STX7: variants seen among roughly 807,000 people sequenced by gnomAD.
STX7 encodes syntaxin-7.
STX7 carries 34 observed loss-of-function variants against 39.6 expected under a neutral mutation model. The ratio of observed to expected loss-of-function variants is 0.86; its 90% confidence interval spans 0.65 to 1.14. STX7 has a LOEUF of 1.14. STX7 is among the 50% of genes most tolerant of loss of function. The pLI, the probability that STX7 is intolerant of heterozygous loss-of-function variation, is 0.00. For missense variants in STX7, 284 were observed against 310.4 expected (o/e 0.92, Z 0.64); for synonymous variants, 119 against 99.1 (o/e 1.20, Z -1.19).
At chr6:132,493,596 C>G (rs1282647280) in intron 2 of STX7, among the ~76,000 whole-genome samples, 1 of 152,194 alleles carries the variant, frequency 6.6e-6, no homozygotes, top group Non-Finnish European at 1.5e-5. Flanking sequence ...GATTGTGAGG[C>G]CTCCCCAGCC....
In STX7 at chr6:132,447,385, T is replaced by C. The variant is rs1774036642; in HGVS notation, c.*13373A>G. On this transcript the variant is annotated 3_prime_UTR_variant, in exon 10 of 10. Coordinates refer to ENST00000367941, the MANE Select transcript of STX7 (RefSeq NM_003569.3). ...CAGAGGTCCCCAAAACATTCCTTTATCATTTTCCTTCTAAATCTTTTATAC... is the reference window on the plus strand; with the variant it reads ...CAGAGGTCCCCAAAACATTCCTTTACCATTTTCCTTCTAAATCTTTTATAC... The C allele has an allele frequency of 6.6e-6, 1 of 152,230 alleles. No homozygotes were observed. The highest frequency in any genetic ancestry group is 2.4e-5 in the African/African-American group (1 of 41,460). The allele number at this position is 152,230 out of a possible 1,614,324, so 9.4% of individuals were successfully genotyped here.
At position 132,471,716 on chromosome 6, in the gene STX7, C is replaced by T. The variant is rs1774728397; in HGVS notation, c.250-116G>A. On this transcript the variant is annotated intron_variant, in intron 4 of 9. Coordinates refer to ENST00000367941, the MANE Select transcript of STX7 (RefSeq NM_003569.3). ...TTTCACTTACTCCCCAATTACAGGG[C>T]CTTACAGATTAACTCTCAGTAACAT... The T allele has an allele frequency of 3.4e-6, 4 of 1,172,474 alleles. No individual in the cohort carries two copies. The Admixed American group carries it at 9.5e-5, about 28-fold the overall frequency. 72.6% of individuals were successfully genotyped at this position (1,172,474 alleles called of 1,614,324 possible).
Position 132,460,817 on chromosome 6 carries a change from GAAT to G in STX7, c.724_726del (p.Ile242del). ...ATCGCAACTCCAATGACAAGGATAAGAATGATGATGCACAGGGTTTTTCTGGAT... is the reference window on the plus strand; with the variant it reads ...ATCGCAACTCCAATGACAAGGATAAGGATGATGCACAGGGTTTTTCTGGAT... On this transcript the variant is annotated inframe_deletion, in exon 10 of 10. Coordinates refer to ENST00000367941, the MANE Select transcript of STX7 (RefSeq NM_003569.3). 4 of 1,613,534 alleles carry G rather than the reference GAAT, an allele frequency of 2.5e-6. No individual in the cohort carries two copies. The highest frequency in any genetic ancestry group is 3.4e-6 in the Non-Finnish European group (4 of 1,179,776).
intron 2 of STX7, among the ~76,000 whole-genome samples, chr6:132,490,023 T>G (rs1172387204): frequency 1.3e-5 from 2 of 152,224 alleles, no homozygotes; most frequent in Non-Finnish European, 2.9e-5. Context: ...TTTAGCAAAT[T>G]TATTCATCCT....
chr6:132,488,902 G>T (rs1775207402), intron 2 of STX7, among the ~76,000 whole-genome samples: 2 of 152,004 alleles, frequency 1.3e-5, no homozygotes, highest in Non-Finnish European at 2.9e-5. Context: ...GGTTTGGAGT[G>T]TTAAACAAAG....
rs1470699706 is a variant in STX7, at chr6:132,446,466, G to A, written c.*14292C>T. The A allele has an allele frequency of 6.6e-6, 1 of 152,182 alleles. No homozygotes were observed. The highest frequency in any genetic ancestry group is 1.5e-5 in the Non-Finnish European group (1 of 68,030). 9.4% of individuals were successfully genotyped at this position (152,182 alleles called of 1,614,324 possible). Reference sequence around the variant, plus strand: ...AAAACAAAAGTCTTCCTAGATACAAGAATGAGGTTTTAAGAGATAATCTTT... The same window carrying A: ...AAAACAAAAGTCTTCCTAGATACAAAAATGAGGTTTTAAGAGATAATCTTT... On this transcript the variant is annotated 3_prime_UTR_variant, in exon 10 of 10. Transcript: ENST00000367941.
At chr6:132,476,545 C>T (rs1245041936) in intron 2 of STX7, among the ~76,000 whole-genome samples, 1 of 151,930 alleles carries the variant, frequency 6.6e-6, no homozygotes, top group Non-Finnish European at 1.5e-5. Context: ...GATTCTGAAT[C>T]AGGAAAAAAG....
At chr6:132,498,716 T>C (rs1775478666) in intron 2 of STX7, among the ~76,000 whole-genome samples, 1 of 152,196 alleles carries the variant, frequency 6.6e-6, no homozygotes, top group East Asian at 1.9e-4. Context: ...ATTATTAGCA[T>C]TACCAAATGG....
intron 8 of STX7, among the ~76,000 whole-genome samples, chr6:132,465,702 G>C (rs1774548379): frequency 6.6e-6 from 1 of 152,102 alleles, no homozygotes; most frequent in Non-Finnish European, 1.5e-5. Flanking sequence ...GCTCTTTGAA[G>C]CAACAGGAAC....
intron 3 of STX7, 197 bp downstream of exon 3, chr6:132,475,396 A>G (rs1206329753): frequency 1.1e-5 from 4 of 358,766 alleles, no homozygotes; most frequent in Non-Finnish European, 5.0e-6. Context: ...CTTTAATATA[A>G]AAACACCTGC....
At chr6:132,507,684 A>G (rs1219261201) in intron 1 of STX7, among the ~76,000 whole-genome samples, 1 of 150,640 alleles carries the variant, frequency 6.6e-6, no homozygotes, top group Non-Finnish European at 1.5e-5. Context: ...TTATTGCCAA[A>G]TAATATTCCA....
chr6:132,500,809 T>C (rs900883256), intron 2 of STX7, among the ~76,000 whole-genome samples: 1 of 152,204 alleles, frequency 6.6e-6, no homozygotes, highest in East Asian at 1.9e-4. Context: ...GTCTGAGAAA[T>C]ATCTGACCAT....
intron 2 of STX7, among the ~76,000 whole-genome samples, chr6:132,489,779 A>G (rs977931413): frequency 6.6e-6 from 1 of 152,160 alleles, no homozygotes; most frequent in Admixed American, 6.5e-5. Context: ...CAAATTTACA[A>G]CACACTTAAT....
Position 132,454,852 on chromosome 6 carries a change from TCTTA to T in STX7, c.*5902_*5905del, listed in dbSNP as rs1281373920. ...CGTGAATGATATATAACTAAGGTTA[TCTTA>T]CTATTAGCAAATTTTGGTATATACC... On this transcript the variant is annotated 3_prime_UTR_variant, in exon 10 of 10. Coordinates refer to ENST00000367941, the MANE Select transcript of STX7 (RefSeq NM_003569.3). 1 of 152,184 alleles carries T rather than the reference TCTTA, an allele frequency of 6.6e-6. No individual in the cohort carries two copies. Among genetic ancestry groups the T allele is most frequent in the African/African-American group, 2.4e-5 (1 of 41,462 alleles). 9.4% of individuals were successfully genotyped at this position (152,184 alleles called of 1,614,324 possible). A position where few individuals can be genotyped will look rare whatever the true frequency, so the allele number is the denominator to read the frequency against.
chr6:132,507,675 T>C (rs1365033786), intron 1 of STX7, among the ~76,000 whole-genome samples: 1 of 144,110 alleles, frequency 6.9e-6, no homozygotes, highest in African/African-American at 2.7e-5. Flanking sequence ...ATTCCTTCAT[T>C]ATTGCCAAAT....
At chr6:132,485,260 G>C (rs1775105948) in intron 2 of STX7, among the ~76,000 whole-genome samples, 1 of 152,270 alleles carries the variant, frequency 6.6e-6, no homozygotes, top group African/African-American at 2.4e-5. Context: ...ATTTTCTAAA[G>C]TTTTATATAA....
chr6:132,475,564 C>T (rs1562326652), intron 3 of STX7, 29 bp downstream of exon 3: 11 of 1,498,966 alleles, frequency 7.3e-6, no homozygotes, highest in Admixed American at 5.6e-5. Context: ...TTTTTTCTTT[C>T]TCTTTTATTT....
At chr6:132,479,266 C>A (rs1242729242) in intron 2 of STX7, among the ~76,000 whole-genome samples, 1 of 152,190 alleles carries the variant, frequency 6.6e-6, no homozygotes, top group South Asian at 2.1e-4. Context: ...AAAAGACCAT[C>A]CAGCGAGTTC....
At chr6:132,463,641 C>G (rs1774477550) in intron 9 of STX7, among the ~76,000 whole-genome samples, 1 of 152,054 alleles carries the variant, frequency 6.6e-6, no homozygotes, top group South Asian at 2.1e-4. Flanking sequence ...TAAAAGGGAG[C>G]AGCAAGAAAT....
Sources: gnomAD v4.1 joint callset for allele counts (sites outside exome capture counted in the v4.1 genomes callset) on GRCh38, gnomAD v4.1.1 for gene constraint, MANE v1.5 for transcripts, NCBI Gene and HGNC (gene_info 2026-07-23, HGNC 2026-07-21) for gene names.